PTPRD: variants seen among roughly 807,000 people sequenced by gnomAD.
The protein encoded by PTPRD is protein tyrosine phosphatase receptor type D, also known as receptor-type tyrosine-protein phosphatase delta.
PTPRD carries 34 observed loss-of-function variants against 214.5 expected under a neutral mutation model. The ratio of observed to expected loss-of-function variants is 0.16; its 90% CI spans 0.12 to 0.21. The LOEUF is 0.21. PTPRD is among the 10% of genes least tolerant of loss of function. The probability of loss-of-function intolerance (pLI) is 1.00; values close to 1 mark genes in which losing one functional copy is unlikely to be tolerated. For synonymous variants in PTPRD, 1,128 were observed against 845.7 expected (o/e 1.33, Z -5.79); for missense variants, 2,545 against 2,398.7 (o/e 1.06, Z -1.27).
At chr9:9,889,245 A>G (rs552380061) in intron 5 of PTPRD, among the ~76,000 whole-genome samples, 1 of 152,264 alleles carries the variant, frequency 6.6e-6, no homozygotes, top group African/African-American at 2.4e-5. Context: ...TTCTTGAAAA[A>G]TGCTGACAGT....
At chr9:9,756,079 T>A (rs1382423675) in intron 6 of PTPRD, among the ~76,000 whole-genome samples, 1 of 152,070 alleles carries the variant, frequency 6.6e-6, no homozygotes, top group Non-Finnish European at 1.5e-5. Flanking sequence ...ATTCCTCTTA[T>A]TTTTAGATTG....
At chr9:9,944,029 G>C (rs961949130) in intron 4 of PTPRD, among the ~76,000 whole-genome samples, 1 of 152,088 alleles carries the variant, frequency 6.6e-6, no homozygotes, top group African/African-American at 2.4e-5. Context: ...GAAAACTCAA[G>C]GCTTTAGTCT....
chr9:8,826,505 AG>A (rs1329481932), intron 11 of PTPRD, among the ~76,000 whole-genome samples: 2 of 152,084 alleles, frequency 1.3e-5, no homozygotes, highest in Non-Finnish European at 2.9e-5. Flanking sequence ...TTCACCACAC[AG>A]TTATTTCCTG....
chr9:9,439,988 A>G (rs1482256738), intron 8 of PTPRD, among the ~76,000 whole-genome samples: 3 of 152,218 alleles, frequency 2.0e-5, no homozygotes, highest in Admixed American at 6.5e-5. Context: ...TAAAGTCACT[A>G]CAAGTCAAAG....
chr9:9,331,326 T>A (rs2042233044), intron 9 of PTPRD, among the ~76,000 whole-genome samples: 1 of 152,110 alleles, frequency 6.6e-6, no homozygotes, highest in African/African-American at 2.4e-5. Flanking sequence ...GTTTTTAAAA[T>A]GTTTTAAATT....
At chr9:8,496,835 A>AT (rs1458299566) in intron 26 of PTPRD, among the ~76,000 whole-genome samples, 11 of 152,038 alleles carry the variant, frequency 7.2e-5, no homozygotes, top group African/African-American at 2.7e-4. Flanking sequence ...ACATTATGAG[A>AT]TTTTTTTCTG....
rs1054593608 is a variant in PTPRD at position 8,477,280 on chromosome 9, C to A, written c.3414-6195G>T. 3.9e-5 allele frequency among the ~76,000 whole-genome samples: 6 copies of A among 152,164 alleles called. No individual in the cohort carries two copies. The South Asian group carries it at 1.0e-3, about 26-fold the overall frequency. ...ATTAAAGTAATAGAAAAATAAATAA[C>A]TTCAGAATCAATATATCTGGAAAGC... On this transcript the variant is annotated intron_variant, in intron 30 of 45. Coordinates refer to ENST00000381196, the MANE Select transcript of PTPRD (RefSeq NM_002839.4).
intron 3 of PTPRD, among the ~76,000 whole-genome samples, chr9:10,167,247 T>C (rs1325337152): frequency 6.6e-6 from 1 of 152,056 alleles, no homozygotes; most frequent in East Asian, 1.9e-4. Context: ...ATAGTGGAGC[T>C]AATTCTCACC....
At chr9:8,870,714 A>ACACACACACACACG (rs1555457924) in intron 11 of PTPRD, among the ~76,000 whole-genome samples, 2,339 of 150,068 alleles carry the variant, frequency 0.016, 43 homozygotes, top group South Asian at 0.052. Context: ...ACACACACAC[A>ACACACACACACACG]CACACACACA....
At chr9:10,020,023 A>C (rs1204245151) in intron 4 of PTPRD, among the ~76,000 whole-genome samples, 1 of 152,172 alleles carries the variant, frequency 6.6e-6, no homozygotes, top group East Asian at 1.9e-4. Context: ...TGGCACAATA[A>C]TTTTACTCTT....
At chr9:9,962,506 C>T (rs912510182) in intron 4 of PTPRD, among the ~76,000 whole-genome samples, 1 of 151,840 alleles carries the variant, frequency 6.6e-6, no homozygotes, top group Non-Finnish European at 1.5e-5. Flanking sequence ...ACAATTCACC[C>T]AAACATTAAG....
At chr9:10,130,884 C>G (rs2098866565) in intron 3 of PTPRD, among the ~76,000 whole-genome samples, 1 of 152,214 alleles carries the variant, frequency 6.6e-6, no homozygotes, top group South Asian at 2.1e-4. Context: ...CTCAGACCTT[C>G]CTTTACAAAG....
At chr9:8,828,723 A>C (rs2097222040) in intron 11 of PTPRD, among the ~76,000 whole-genome samples, 2 of 152,290 alleles carry the variant, frequency 1.3e-5, no homozygotes, top group African/African-American at 4.8e-5. Flanking sequence ...ATCTCTAAAA[A>C]ACATATATAA....
chr9:8,490,224 A>G (rs1250291167), intron 27 of PTPRD, among the ~76,000 whole-genome samples: 2 of 152,192 alleles, frequency 1.3e-5, no homozygotes, highest in Non-Finnish European at 2.9e-5. Context: ...TTACAAAGTA[A>G]ATAACTCTAA....
At chr9:9,376,167 G>A (rs747482572) in intron 9 of PTPRD, among the ~76,000 whole-genome samples, 10 of 152,028 alleles carry the variant, frequency 6.6e-5, no homozygotes, top group Non-Finnish European at 1.2e-4. Flanking sequence ...TGAATAATTT[G>A]TGTTGAGTGT....
intron 3 of PTPRD, among the ~76,000 whole-genome samples, chr9:10,276,132 T>C (rs541937168): frequency 5.4e-4 from 82 of 152,308 alleles, no homozygotes; most frequent in Non-Finnish European, 7.9e-4. Context: ...ATAGTAACCA[T>C]AGAAAATGAA....
At chr9:10,060,620 A>G (rs550402492) in intron 3 of PTPRD, among the ~76,000 whole-genome samples, 87 of 152,070 alleles carry the variant, frequency 5.7e-4, no homozygotes, top group African/African-American at 2.0e-3. Flanking sequence ...TGCATTTTTA[A>G]TTGCCACCAA....
chr9:9,113,416 G>A (rs2099808933), intron 10 of PTPRD, among the ~76,000 whole-genome samples: 1 of 152,108 alleles, frequency 6.6e-6, no homozygotes, highest in African/African-American at 2.4e-5. Flanking sequence ...TCCTAAAGGA[G>A]TTTCCAGTAT....
At chr9:8,676,417 G>A (rs757712948) in intron 12 of PTPRD, among the ~76,000 whole-genome samples, 5 of 123,370 alleles carry the variant, frequency 4.1e-5, no homozygotes, top group Non-Finnish European at 6.6e-5. Context: ...GAGTTTTGCT[G>A]TGTTGTCCAG....
Sources: gnomAD v4.1 joint callset for allele counts (sites outside exome capture counted in the v4.1 genomes callset) on GRCh38, gnomAD v4.1.1 for gene constraint, MANE v1.5 for transcripts, NCBI Gene and HGNC (gene_info 2026-07-23, HGNC 2026-07-21) for gene names.